Variants in RALYL observed in about 807,000 individuals in gnomAD.
RALYL encodes the protein RALY RNA binding protein like.
Under a neutral mutation model 35.1 loss-of-function variants are expected in RALYL, and 29 were observed. The ratio of observed to expected loss-of-function variants is 0.83; its 90% CI spans 0.61 to 1.13. RALYL has a LOEUF of 1.13. Ranked by LOEUF, RALYL falls within the 50% of genes most tolerant of loss-of-function variation. The probability of loss-of-function intolerance (pLI) is 0.00; values close to 1 mark genes in which losing one functional copy is unlikely to be tolerated. For synonymous variants in RALYL, 120 were observed against 127.6 expected, an observed-to-expected ratio of 0.94 and a Z score of 0.40; for missense variants, 359 against 360.4, an observed-to-expected ratio of 1.00 and a Z score of 0.03.
chr8:84,874,809 G>GT (rs1840828486), intron 7 of RALYL, among the ~76,000 whole-genome samples: 3 of 152,058 alleles, frequency 2.0e-5, no homozygotes, highest in Non-Finnish European at 4.4e-5. Flanking sequence ...AATGAACAAA[G>GT]TGGCATATGT....
chr8:84,902,902 T>C (rs1845923123), intron 8 of RALYL, among the ~76,000 whole-genome samples: 1 of 152,106 alleles, frequency 6.6e-6, no homozygotes, highest in Non-Finnish European at 1.5e-5. Flanking sequence ...ACATGCCAAT[T>C]ATAGGAAGTT....
At position 84,595,763 on chromosome 8, in the gene RALYL, G is replaced by GTTT. The variant is rs35714907; in HGVS notation, c.256+66204_256+66206dup. 3.4e-3 allele frequency among the ~76,000 whole-genome samples: 410 copies of GTTT among 120,186 alleles called. 5 individuals are homozygous for GTTT. The highest frequency in any genetic ancestry group is 0.01 in the African/African-American group (336 of 33,536). The allele number at this position is 120,186 out of a possible 152,430, so 78.8% of individuals were successfully genotyped here. ...ACAGAGAGTGAAGTTAAAACCATAAGTTTTTTTTTTTTTTTTTTTTGGCAT... is the reference window on the plus strand; with the variant it reads ...ACAGAGAGTGAAGTTAAAACCATAAGTTTTTTTTTTTTTTTTTTTTTTTGGCAT... On this transcript the variant is annotated intron_variant, in intron 2 of 8. Transcript: ENST00000521268.
intron 2 of RALYL, among the ~76,000 whole-genome samples, chr8:84,654,310 T>TACACAC (rs1479225554): frequency 7.4e-6 from 1 of 134,722 alleles, no homozygotes; most frequent in African/African-American, 2.7e-5. Flanking sequence ...TATATATATA[T>TACACAC]ATATCATGTA....
intron 1 of RALYL, among the ~76,000 whole-genome samples, chr8:84,281,945 G>A (rs1313150186): frequency 6.6e-6 from 1 of 151,962 alleles, no homozygotes; most frequent in African/African-American, 2.4e-5. Flanking sequence ...CACACTTCAT[G>A]TTGATGCTAC....
chr8:84,828,154 TTTA>T (rs1239948387), intron 4 of RALYL, among the ~76,000 whole-genome samples: 1 of 152,150 alleles, frequency 6.6e-6, no homozygotes. Flanking sequence ...TTTAGATATG[TTTA>T]TTTGAAACAA....
intron 1 of RALYL, among the ~76,000 whole-genome samples, chr8:84,338,351 T>G (rs1012765012): frequency 6.6e-6 from 1 of 151,404 alleles, no homozygotes; most frequent in Non-Finnish European, 1.5e-5. Flanking sequence ...ACTAGGGACA[T>G]GAAAGAACAT....
At chr8:84,813,196 C>CG (rs933749084) in intron 4 of RALYL, among the ~76,000 whole-genome samples, 1 of 152,142 alleles carries the variant, frequency 6.6e-6, no homozygotes, top group African/African-American at 2.4e-5. Flanking sequence ...TTTCTCCAGT[C>CG]GGGGGTGTGT....
At chr8:84,710,482 A>T (rs1458007391) in intron 2 of RALYL, among the ~76,000 whole-genome samples, 1 of 151,878 alleles carries the variant, frequency 6.6e-6, no homozygotes, top group East Asian at 1.9e-4. Context: ...TTGTATTTTT[A>T]GTAGAGATAG....
At chr8:84,435,165 G>A (rs1459965988) in intron 1 of RALYL, among the ~76,000 whole-genome samples, 2 of 152,194 alleles carry the variant, frequency 1.3e-5, no homozygotes, top group African/African-American at 4.8e-5. Context: ...CTTTGATGTG[G>A]AGGATTCTGT....
chr8:84,410,261 G>A (rs562620337), intron 1 of RALYL, among the ~76,000 whole-genome samples: 3 of 151,942 alleles, frequency 2.0e-5, no homozygotes, highest in Admixed American at 6.6e-5. Context: ...CTCTAGAACC[G>A]GATTGCCTAG....
intron 2 of RALYL, among the ~76,000 whole-genome samples, chr8:84,542,618 G>A (rs898810988): frequency 2.0e-5 from 3 of 152,092 alleles, no homozygotes; most frequent in Non-Finnish European, 4.4e-5. Flanking sequence ...TGTGAGGAAG[G>A]CTGTGTTTGC....
intron 2 of RALYL, among the ~76,000 whole-genome samples, chr8:84,699,847 TA>T (rs1839885791): frequency 6.6e-6 from 1 of 152,166 alleles, no homozygotes; most frequent in Non-Finnish European, 1.5e-5. Context: ...TATTTTACGT[TA>T]TACCTTTAAG....
chr8:84,471,887 G>A (rs1236028723), intron 1 of RALYL, among the ~76,000 whole-genome samples: 2 of 152,130 alleles, frequency 1.3e-5, no homozygotes, highest in African/African-American at 2.4e-5. Context: ...ACCATGAAGT[G>A]TTTGTTATAT....
At chr8:84,337,829 A>G (rs760863592) in intron 1 of RALYL, among the ~76,000 whole-genome samples, 34 of 152,132 alleles carry the variant, frequency 2.2e-4, no homozygotes, top group Non-Finnish European at 2.6e-4. Context: ...TTAAATGCAT[A>G]GAATTTTCCC....
chr8:84,296,338 A>G (rs1480542730), intron 1 of RALYL, among the ~76,000 whole-genome samples: 1 of 152,158 alleles, frequency 6.6e-6, no homozygotes, highest in Non-Finnish European at 1.5e-5. Flanking sequence ...CTTAGATCAG[A>G]GAATTCAAGA....
rs374378732 is a variant in RALYL, at chr8:84,232,678, A to G, written c.-24+48254A>G. On this transcript the variant is annotated intron_variant, in intron 1 of 8. Coordinates refer to ENST00000521268, the MANE Select transcript of RALYL (RefSeq NM_173848.7). ...AGATTTAGTCATTCCACATGTAAAT[A>G]TACTTAAAAACAAAACTTCATGTTG... 7.2e-5 allele frequency among the ~76,000 whole-genome samples: 11 copies of G among 152,326 alleles called. No homozygotes were observed. The South Asian group carries it at 1.0e-3, about 14-fold the overall frequency.
chr8:84,915,512 C>A (rs1050360283), intron 8 of RALYL, among the ~76,000 whole-genome samples: 1 of 152,078 alleles, frequency 6.6e-6, no homozygotes, highest in African/African-American at 2.4e-5. Flanking sequence ...GATTTAGACT[C>A]AATGTAACAA....
intron 1 of RALYL, among the ~76,000 whole-genome samples, chr8:84,379,469 T>C (rs2131581091): frequency 6.6e-6 from 1 of 152,038 alleles, no homozygotes; most frequent in Non-Finnish European, 1.5e-5. Context: ...ACTATGATAG[T>C]ATGCTTGGAG....
chr8:84,273,789 A>G (rs954302935), intron 1 of RALYL, among the ~76,000 whole-genome samples: 13 of 152,224 alleles, frequency 8.5e-5, no homozygotes, highest in African/African-American at 2.4e-4. Flanking sequence ...CAATATAATG[A>G]TAAAGGCAGG....
Sources: allele counts gnomAD v4.1 joint callset (sites outside exome capture counted in the v4.1 genomes callset), GRCh38; gene constraint gnomAD v4.1.1; transcripts MANE v1.5; gene names NCBI Gene and HGNC (gene_info 2026-07-23, HGNC 2026-07-21).